Variants in TMEM178B observed in about 807,000 individuals in gnomAD.
The protein encoded by TMEM178B is transmembrane protein 178B.
A neutral mutation model predicts 31.0 loss-of-function variants in TMEM178B; 5 were observed. The ratio of observed to expected loss-of-function variants is 0.16; its 90% CI spans 0.08 to 0.34. The LOEUF is 0.34. Among genes scored for constraint, TMEM178B ranks in the 10% least tolerant of loss-of-function variants. The pLI is 1.00. For synonymous variants in TMEM178B, 164 were observed against 164.0 expected, an observed-to-expected ratio of 1.00 and a Z score of 0.00; for missense variants, 275 against 400.3, an observed-to-expected ratio of 0.69 and a Z score of 2.67.
rs150135402 is a variant in TMEM178B at position 141,133,554 on chromosome 7, A to G, written c.382+58862A>G. Among the ~76,000 whole-genome samples the G allele has an allele frequency of 2.6e-3, 396 of 152,270 alleles. 1 individual carries two copies. Among genetic ancestry groups the G allele is most frequent in the African/African-American group, 9.0e-3 (373 of 41,564 alleles). On this transcript the variant is annotated intron_variant, in intron 1 of 3. Transcript: ENST00000565468. The stretch of plus-strand genomic sequence containing the variant: ...ACCCAGTCAGACTTAAAAAATAAAA[A>G]TAAAAAAGAATAAAGGAAGCCTATA...
chr7:141,264,785 T>G (rs1586858568), intron 2 of TMEM178B, among the ~76,000 whole-genome samples: 1 of 152,300 alleles, frequency 6.6e-6, no homozygotes, highest in East Asian at 1.9e-4. Flanking sequence ...AATGGAGGTT[T>G]TGTTTTTGTT....
chr7:141,143,700 C>CT (rs1348938659), intron 1 of TMEM178B, among the ~76,000 whole-genome samples: 2 of 151,862 alleles, frequency 1.3e-5, no homozygotes, highest in Admixed American at 6.6e-5. Context: ...GCTATTCATA[C>CT]TTTTTTTTGG....
chr7:141,217,574 GCTTTA>G (rs1156318124), intron 2 of TMEM178B, among the ~76,000 whole-genome samples: 3 of 152,132 alleles, frequency 2.0e-5, no homozygotes, highest in Non-Finnish European at 4.4e-5. Flanking sequence ...GAAGGTATTA[GCTTTA>G]CTTCAGCCTG....
chr7:141,500,004 G>A, the TMEM178B span, among the ~76,000 whole-genome samples: 652 of 152,080 alleles, frequency 4.3e-3, 2 homozygotes, highest in Non-Finnish European at 6.8e-3. Context: ...CCTGTATCTC[G>A]TGCTGCTCAA....
At chr7:141,075,100 T>C (rs374017941) in intron 1 of TMEM178B, among the ~76,000 whole-genome samples, 8 of 152,158 alleles carry the variant, frequency 5.3e-5, no homozygotes, top group African/African-American at 1.9e-4. Context: ...TCAAGGAAAA[T>C]TGGGGGAAAC....
rs572721591 is a variant in TMEM178B at position 141,150,972 on chromosome 7, G to T, written c.383-61619G>T. ...GCATGATTAAATGAAAATCCAAAAG[G>T]TCACGAAATAATACATCATTCATGA... On this transcript the variant is annotated intron_variant, in intron 1 of 3. Coordinates refer to ENST00000565468, the MANE Select transcript of TMEM178B (RefSeq NM_001195278.2). Among the ~76,000 whole-genome samples, 4 of 152,236 alleles carry T rather than the reference G, an allele frequency of 2.6e-5. No homozygotes were observed. In the South Asian group the frequency reaches 8.3e-4, roughly 32 times the overall value.
At chr7:141,321,479 G>A (rs910037174) in intron 2 of TMEM178B, among the ~76,000 whole-genome samples, 2 of 152,160 alleles carry the variant, frequency 1.3e-5, no homozygotes, top group African/African-American at 4.8e-5. Context: ...AGCCACAGCC[G>A]AGTAAGAGAG....
At chr7:141,085,030 T>G (rs2129171405) in intron 1 of TMEM178B, among the ~76,000 whole-genome samples, 1 of 152,102 alleles carries the variant, frequency 6.6e-6, no homozygotes, top group Non-Finnish European at 1.5e-5. Context: ...AGGTGCGCAC[T>G]GCCACATCAC....
At chr7:141,272,766 A>G (rs1046303252) in intron 2 of TMEM178B, among the ~76,000 whole-genome samples, 1 of 152,244 alleles carries the variant, frequency 6.6e-6, no homozygotes, top group African/African-American at 2.4e-5. Context: ...TGCGGACAAG[A>G]TAACAGCAGC....
chr7:141,437,919 C>T (rs1017972382), intron 3 of TMEM178B, among the ~76,000 whole-genome samples, 174 bp downstream of exon 3: 8 of 152,302 alleles, frequency 5.3e-5, no homozygotes, highest in African/African-American at 1.9e-4. Flanking sequence ...CTCACCACTG[C>T]ACCAGCTGTT....
rs1796344587 is a variant in TMEM178B, at chr7:141,171,195, G to A, written c.383-41396G>A. On this transcript the variant is annotated intron_variant, in intron 1 of 3. Transcript: ENST00000565468. This position sits in a 1 kb window ranked among gnomAD's most constrained non-coding sequence, Gnocchi z 4.3. ...AGGTTGGGTGCAGTGGCTCATGCAT[G>A]TAATTCCAGCACTTTGGGAGGCTGA... Among the ~76,000 whole-genome samples the A allele has an allele frequency of 6.6e-6, 1 of 152,138 alleles. No homozygotes were observed. Among genetic ancestry groups the A allele is most frequent in the African/African-American group, 2.4e-5 (1 of 41,428 alleles).
chr7:141,448,191 G>A (rs1801796826), intron 3 of TMEM178B, among the ~76,000 whole-genome samples: 1 of 151,956 alleles, frequency 6.6e-6, no homozygotes. Context: ...TGTTAATCAG[G>A]AAAAGCTGTT....
At chr7:141,370,684 G>A (rs1292517108) in intron 2 of TMEM178B, among the ~76,000 whole-genome samples, 1 of 152,220 alleles carries the variant, frequency 6.6e-6, no homozygotes, top group Non-Finnish European at 1.5e-5. Context: ...CTGGCTCTGT[G>A]ACATTTGCCA....
At chr7:141,316,786 C>G (rs895009246) in intron 2 of TMEM178B, among the ~76,000 whole-genome samples, 1 of 152,224 alleles carries the variant, frequency 6.6e-6, no homozygotes, top group African/African-American at 2.4e-5. Flanking sequence ...CTCCCTGCAG[C>G]TGGACATTTT....
intron 2 of TMEM178B, among the ~76,000 whole-genome samples, chr7:141,323,826 G>A (rs1586891802): frequency 6.6e-6 from 1 of 152,062 alleles, no homozygotes; most frequent in African/African-American, 2.4e-5. Context: ...TAAGTACAAA[G>A]TAGCAAAAAA....
At chr7:141,358,426 A>G (rs1287238912) in intron 2 of TMEM178B, among the ~76,000 whole-genome samples, 2 of 152,064 alleles carry the variant, frequency 1.3e-5, no homozygotes, top group African/African-American at 2.4e-5. Context: ...CCTCAACATC[A>G]TTTATAAAGA....
intron 1 of TMEM178B, among the ~76,000 whole-genome samples, chr7:141,186,109 G>A (rs748056489): frequency 9.2e-5 from 14 of 152,178 alleles, no homozygotes; most frequent in Non-Finnish European, 1.9e-4. Context: ...GGGTAGGGGT[G>A]TGTATGTGTT....
chr7:141,321,960 A>G (rs1013487406), intron 2 of TMEM178B, among the ~76,000 whole-genome samples: 3 of 151,144 alleles, frequency 2.0e-5, no homozygotes, highest in Non-Finnish European at 2.9e-5. Flanking sequence ...GCTCATCACT[A>G]TTACTGCCAG....
chr7:141,469,941 G>T lies in TMEM178B; in HGVS notation c.635-595G>T, dbSNP rs182523071. Among the ~76,000 whole-genome samples the T allele has an allele frequency of 1.4e-3, 220 of 152,320 alleles. 3 individuals are homozygous for T. Among genetic ancestry groups the T allele is most frequent in the African/African-American group, 4.9e-3 (204 of 41,562 alleles). On this transcript the variant is annotated intron_variant, in intron 3 of 3. Coordinates refer to ENST00000565468, the MANE Select transcript of TMEM178B (RefSeq NM_001195278.2). ...GTAGGATTCCCCGTCTTTTGACTCT[G>T]CCTCCCACTTTGTAAAGGATCTCAT...
Sources: gnomAD v4.1 joint callset for allele counts (sites outside exome capture counted in the v4.1 genomes callset) on GRCh38, gnomAD v4.1.1 for gene constraint, Gnocchi (gnomAD v3.1) non-coding constraint, MANE v1.5 for transcripts, NCBI Gene and HGNC (gene_info 2026-07-23, HGNC 2026-07-21) for gene names.